Variants in ARRB1 observed in about 807,000 individuals in gnomAD.
ARRB1 encodes beta-arrestin-1.
Under a neutral mutation model 56.8 loss-of-function variants are expected in ARRB1, and 21 were observed. The observed-to-expected ratio is 0.37, with a 90% CI of 0.26 to 0.53. ARRB1 has a LOEUF of 0.53. Ranked by LOEUF, ARRB1 falls within the 20% of genes least tolerant of loss-of-function variation. The pLI is 0.88. For synonymous variants in ARRB1, 210 were observed against 218.6 expected (o/e 0.96, Z 0.35); for missense variants, 424 against 553.7 (o/e 0.77, Z 2.35).
intron 12 of ARRB1, among the ~76,000 whole-genome samples, chr11:75,272,607 G>A (rs1465826996): frequency 6.6e-6 from 1 of 152,106 alleles, no homozygotes; most frequent in Non-Finnish European, 1.5e-5. Context: ...CCGTCCCCTG[G>A]GCATGGCCAA....
Position 75,306,765 on chromosome 11 carries a change from G to A in ARRB1, c.21-16726C>T, listed in dbSNP as rs544071077. ...AAAGGAAAAGGCGTTCCTGATACGCGTCCTGTTTCCTCTCCTCCTCCGGGC... is the reference window on the plus strand; with the variant it reads ...AAAGGAAAAGGCGTTCCTGATACGCATCCTGTTTCCTCTCCTCCTCCGGGC... On this transcript the variant is annotated intron_variant, in intron 1 of 15. Coordinates refer to ENST00000420843, the MANE Select transcript of ARRB1 (RefSeq NM_004041.5). 761 of 969,588 alleles carry A rather than the reference G, an allele frequency of 7.8e-4. 1 individual carries two copies. Among genetic ancestry groups the A allele is most frequent in the Middle Eastern group, 1.8e-3 (4 of 2,246 alleles). 60.1% of individuals were successfully genotyped at this position (969,588 alleles called of 1,614,324 possible). A position where few individuals can be genotyped will look rare whatever the true frequency, so the allele number is the denominator to read the frequency against.
intron 10 of ARRB1, among the ~76,000 whole-genome samples, chr11:75,276,134 A>G (rs576888312): frequency 1.6e-4 from 25 of 152,344 alleles, no homozygotes; most frequent in Middle Eastern, 6.8e-3. Context: ...TACTGATTGG[A>G]ATTATACATA....
intron 13 of ARRB1, chr11:75,271,479 C>T (rs1333419011): frequency 6.0e-6 from 3 of 503,102 alleles, no homozygotes; most frequent in South Asian, 3.0e-5. Context: ...TGTAATCAGG[C>T]TTTGCTCTCT....
chr11:75,268,927 A>G lies in ARRB1; in HGVS notation c.1055T>C (p.Met352Thr), dbSNP rs377313073. ...DVAVELPFTL[M>T]HPKPKEEPPH... ...GGGTTCCTCTTTGGGCTTGGGGTGC[A>G]TTAGGGTGAAGGGCAGTTCCACGGC... Residue 352 changes from methionine to threonine, a missense_variant, in exon 14 of 16, where the codon ATG becomes ACG. Coordinates refer to ENST00000420843, the MANE Select transcript of ARRB1 (RefSeq NM_004041.5). 6.2e-6 allele frequency: 10 copies of G among 1,611,376 alleles called. No individual in the cohort carries two copies. Among genetic ancestry groups the G allele is most frequent in the Non-Finnish European group, 8.5e-6 (10 of 1,179,296 alleles).
chr11:75,316,012 G>C (rs1947258178), intron 1 of ARRB1, among the ~76,000 whole-genome samples: 1 of 152,128 alleles, frequency 6.6e-6, no homozygotes, highest in South Asian at 2.1e-4. Context: ...GCTGTTTCTG[G>C]AGCCTCTGCT....
rs183323141 is a variant in ARRB1 at position 75,308,516 on chromosome 11, C to T, written c.21-18477G>A. Among the ~76,000 whole-genome samples the T allele has an allele frequency of 9.9e-4, 151 of 152,220 alleles. 3 individuals carry two copies. The highest frequency in any genetic ancestry group is 3.5e-3 in the African/African-American group (146 of 41,530). On this transcript the variant is annotated intron_variant, in intron 1 of 15. Transcript: ENST00000420843. ...ATCCCAGCACTTTGGGAAGCCAAGGCGGGTGGATCACGAGGTCAGGAATTC... is the reference window on the plus strand; with the variant it reads ...ATCCCAGCACTTTGGGAAGCCAAGGTGGGTGGATCACGAGGTCAGGAATTC...
chr11:75,266,062 G>A lies in ARRB1; in HGVS notation c.*101C>T. 3 of 1,089,568 alleles carry A rather than the reference G, an allele frequency of 2.8e-6. No individual in the cohort carries two copies. Among genetic ancestry groups the A allele is most frequent in the Non-Finnish European group, 4.1e-6 (3 of 727,870 alleles). The allele number at this position is 1,089,568 out of a possible 1,614,324, so 67.5% of individuals were successfully genotyped here. A position where few individuals can be genotyped will look rare whatever the true frequency, so the allele number is the denominator to read the frequency against. On this transcript the variant is annotated 3_prime_UTR_variant, in exon 16 of 16. Transcript: ENST00000420843. Reference sequence around the variant, plus strand: ...CCACGGGGCCCCCTGGTAGAAACTGGAAGAACAAAGGGGAAAAGAAACCAG... The same window carrying A: ...CCACGGGGCCCCCTGGTAGAAACTGAAAGAACAAAGGGGAAAAGAAACCAG...
At chr11:75,348,879 C>T (rs1056577740) in intron 1 of ARRB1, among the ~76,000 whole-genome samples, 3 of 152,058 alleles carry the variant, frequency 2.0e-5, no homozygotes, top group East Asian at 3.9e-4. Context: ...CGTGAACCAC[C>T]GCGCACAGCC....
chr11:75,267,774 G>C (rs368090391), intron 14 of ARRB1, 71 bp from the exon 15 acceptor site: 2 of 1,361,230 alleles, frequency 1.5e-6, no homozygotes, highest in Non-Finnish European at 1.0e-6. Flanking sequence ...AGTAAGCACA[G>C]GCCCCCACCC....
intron 1 of ARRB1, among the ~76,000 whole-genome samples, chr11:75,304,644 AT>A (rs761388961): frequency 6.1e-4 from 93 of 151,916 alleles, no homozygotes; most frequent in Non-Finnish European, 1.2e-3. Flanking sequence ...GGCTGTCATG[AT>A]TTGGGGAAGA....
chr11:75,269,274 G>A (rs1181030202), intron 13 of ARRB1: 5 of 548,176 alleles, frequency 9.1e-6, no homozygotes, highest in Non-Finnish European at 1.7e-5. Context: ...CGTGGTCACT[G>A]CGGGGCTCCA....
At position 75,264,135 on chromosome 11, in the gene ARRB1, C is replaced by T. The variant is rs1945858097; in HGVS notation, c.*2028G>A. The T allele has an allele frequency of 6.6e-6, 1 of 152,200 alleles. No individual in the cohort carries two copies. Among genetic ancestry groups the T allele is most frequent in the Non-Finnish European group, 1.5e-5 (1 of 68,050 alleles). 9.4% of individuals were successfully genotyped at this position (152,200 alleles called of 1,614,324 possible). A position where few individuals can be genotyped will look rare whatever the true frequency, so the allele number is the denominator to read the frequency against. On this transcript the variant is annotated 3_prime_UTR_variant, in exon 16 of 16. Transcript: ENST00000420843. ...ACTGGACAGGGTAGTACGACAGCCC[C>T]CAGCTGACTTGGTTCTGGTCTGGGG...
intron 1 of ARRB1, among the ~76,000 whole-genome samples, chr11:75,300,218 A>G (rs55957233): frequency 7.2e-6 from 1 of 139,688 alleles, no homozygotes; most frequent in African/African-American, 2.9e-5. Context: ...AAAAAAAAAA[A>G]AAAAGAAAGA....
chr11:75,344,009 G>T (rs1386789831), intron 1 of ARRB1, among the ~76,000 whole-genome samples: 1 of 152,036 alleles, frequency 6.6e-6, no homozygotes, highest in African/African-American at 2.4e-5. Flanking sequence ...TAGAGACAAG[G>T]TTTCACCGTG....
intron 1 of ARRB1, among the ~76,000 whole-genome samples, chr11:75,290,356 T>C (rs1033034850): frequency 6.6e-6 from 1 of 152,168 alleles, no homozygotes. Flanking sequence ...CTGTAAGGTC[T>C]GTGTGATCTA....
chr11:75,333,801 G>A (rs1395372493), intron 1 of ARRB1, among the ~76,000 whole-genome samples: 3 of 152,168 alleles, frequency 2.0e-5, no homozygotes, highest in African/African-American at 7.2e-5. Flanking sequence ...CCTCCCCACA[G>A]CCACCTGTCT....
At chr11:75,301,652 A>T (rs1322480419) in intron 1 of ARRB1, among the ~76,000 whole-genome samples, 1 of 152,196 alleles carries the variant, frequency 6.6e-6, no homozygotes, top group African/African-American at 2.4e-5. Context: ...GCCACCCTAC[A>T]TTCTGACCCA....
chr11:75,286,087 C>T (rs1390969275), intron 3 of ARRB1, among the ~76,000 whole-genome samples: 1 of 152,010 alleles, frequency 6.6e-6, no homozygotes, highest in African/African-American at 2.4e-5. Context: ...AGCCCCCTGG[C>T]CCTGGGAGCC....
chr11:75,289,931 C>T (rs1267898077), intron 2 of ARRB1, 78 bp downstream of exon 2: 20 of 1,602,950 alleles, frequency 1.2e-5, no homozygotes, highest in African/African-American at 8.0e-5. Flanking sequence ...GGGGACATGC[C>T]GTTTCCTCTG....
Sources: gnomAD v4.1 joint callset for allele counts (sites outside exome capture counted in the v4.1 genomes callset) on GRCh38, gnomAD v4.1.1 for gene constraint, MANE v1.5 for transcripts, NCBI Gene and HGNC (gene_info 2026-07-23, HGNC 2026-07-21) for gene names.